Variants in PSMB3 observed in about 807,000 individuals in gnomAD.
The protein encoded by PSMB3 is proteasome 20S subunit beta 3.
PSMB3 carries 5 observed loss-of-function variants against 23.3 expected under a neutral mutation model. The observed-to-expected ratio is 0.21, with a 90% CI of 0.11 to 0.45. PSMB3 has a LOEUF of 0.45. PSMB3 is among the 20% of genes least tolerant of loss of function. PSMB3 has a pLI of 0.99. For missense variants in PSMB3, 192 were observed against 277.9 expected (o/e 0.69, Z 2.20); for synonymous variants, 85 against 99.8 (o/e 0.85, Z 0.88).
intron 3 of PSMB3, among the ~76,000 whole-genome samples, chr17:38,759,791 C>T (rs1008791238): frequency 2.0e-5 from 3 of 152,132 alleles, no homozygotes; most frequent in African/African-American, 7.2e-5. Context: ...TGGTGATCCA[C>T]CCACCTCGGC....
In PSMB3 at chr17:38,764,195, C is replaced by CT. The variant is rs759823102; in HGVS notation, c.*35dup. 15 of 1,605,906 alleles carry CT rather than the reference C, an allele frequency of 9.3e-6. No homozygotes were observed. The African/African-American group carries it at 1.9e-4, about 20-fold the overall frequency. On this transcript the variant is annotated 3_prime_UTR_variant, in exon 6 of 6. Transcript: ENST00000619426. The stretch of plus-strand genomic sequence containing the variant: ...CTGTTCCCAGAGCCCACTTTTTTTT[C>CT]TTTTTTTGAAATAAAATAGCCTGTC...
chr17:38,756,618 G>A (rs992406496), intron 3 of PSMB3, among the ~76,000 whole-genome samples: 1 of 151,454 alleles, frequency 6.6e-6, no homozygotes, highest in Non-Finnish European at 1.5e-5. Flanking sequence ...GCCTCAGCCT[G>A]CCATGTAGCT....
intron 4 of PSMB3, among the ~76,000 whole-genome samples, chr17:38,761,072 GGGCGCGGT>G (rs1461934000): frequency 6.6e-6 from 1 of 151,204 alleles, no homozygotes; most frequent in East Asian, 2.0e-4. Flanking sequence ...TGAGGAAGCC[GGGCGCGGT>G]GGCTCACGCC....
intron 2 of PSMB3, among the ~76,000 whole-genome samples, chr17:38,753,581 C>T (rs1046764032): frequency 6.6e-6 from 1 of 151,976 alleles, no homozygotes; most frequent in Admixed American, 6.6e-5. Flanking sequence ...CAGGCTCAAG[C>T]GATTCTCGTG....
intron 3 of PSMB3, among the ~76,000 whole-genome samples, chr17:38,758,987 A>C (rs1274480779): frequency 6.6e-6 from 1 of 152,214 alleles, no homozygotes; most frequent in African/African-American, 2.4e-5. Flanking sequence ...CAGAGCTTGC[A>C]GTGAGCCAAG....
intron 3 of PSMB3, among the ~76,000 whole-genome samples, chr17:38,757,474 T>C (rs1005709423): frequency 1.3e-5 from 2 of 151,546 alleles, no homozygotes; most frequent in African/African-American, 4.9e-5. Flanking sequence ...GCCAAGATCA[T>C]GCCACTGTAC....
intron 3 of PSMB3, 108 bp downstream of exon 3, chr17:38,756,098 A>G: frequency 1.1e-6 from 1 of 914,392 alleles, no homozygotes. Flanking sequence ...TCTTATTTGC[A>G]GGATAATATC....
intron 3 of PSMB3, among the ~76,000 whole-genome samples, chr17:38,758,312 G>A (rs953975475): frequency 1.3e-5 from 2 of 151,696 alleles, no homozygotes; most frequent in Non-Finnish European, 1.5e-5. Flanking sequence ...ATAAGAGTAA[G>A]ACATTTATTT....
At chr17:38,758,430 C>T (rs1908302629) in intron 3 of PSMB3, among the ~76,000 whole-genome samples, 1 of 152,180 alleles carries the variant, frequency 6.6e-6, no homozygotes, top group South Asian at 2.1e-4. Context: ...ACCTTTGCCT[C>T]CTGGGTGCAA....
At chr17:38,763,991 G>A in intron 5 of PSMB3, 128 bp from the exon 6 acceptor site, 1 of 956,396 alleles carries the variant, frequency 1.0e-6, no homozygotes, top group South Asian at 1.5e-5. Flanking sequence ...CCTAGAGGCA[G>A]CGGGCAGCTA....
At chr17:38,762,342 G>T (rs978259002) in intron 4 of PSMB3, 69 bp from the exon 5 acceptor site, 3 of 1,315,742 alleles carry the variant, frequency 2.3e-6, no homozygotes, top group Non-Finnish European at 2.2e-6. Flanking sequence ...CTAGAAAAAA[G>T]AGAGTTAAGG....
chr17:38,757,034 ATTT>A (rs35172699), intron 3 of PSMB3, among the ~76,000 whole-genome samples: 16 of 65,694 alleles, frequency 2.4e-4, no homozygotes, highest in East Asian at 5.1e-4. Context: ...CACCTGGCTA[ATTT>A]TTTTTTTTTT....
At chr17:38,755,672 ATATATATATATGTGTGTGTG>A (rs1908149769) in intron 2 of PSMB3, among the ~76,000 whole-genome samples, 191 bp from the exon 3 acceptor site, 1 of 88,784 alleles carries the variant, frequency 1.1e-5, no homozygotes. Flanking sequence ...ATATATATAT[ATATATATATATGTGTGTGTG>A]TGTGTGTGTG....
At chr17:38,755,105 G>A (rs913815684) in intron 2 of PSMB3, among the ~76,000 whole-genome samples, 36 of 151,396 alleles carry the variant, frequency 2.4e-4, no homozygotes, top group African/African-American at 8.8e-4. Flanking sequence ...CTCCCAAGTA[G>A]CTGGGACTAC....
chr17:38,760,724 C>A, intron 4 of PSMB3, 116 bp downstream of exon 4: 1 of 1,201,344 alleles, frequency 8.3e-7, no homozygotes, highest in Non-Finnish European at 1.2e-6. Flanking sequence ...GGAGAGAAAG[C>A]CACAGCTGCT....
chr17:38,760,102 T>C (rs777635358), intron 3 of PSMB3, among the ~76,000 whole-genome samples: 13 of 152,158 alleles, frequency 8.5e-5, no homozygotes, highest in Non-Finnish European at 1.5e-4. Flanking sequence ...AACATACACA[T>C]AGAGGACTGA....
chr17:38,762,600 T>G, intron 5 of PSMB3, 95 bp downstream of exon 5: 1 of 1,231,590 alleles, frequency 8.1e-7, no homozygotes, highest in Non-Finnish European at 1.2e-6. Context: ...AGCCCCCTGG[T>G]CAGGTGTGAG....
At position 38,755,674 on chromosome 17, in the gene PSMB3, ATATATATATGTGTGTGTGTG is replaced by A. The variant is rs1908151170; in HGVS notation, c.189-207_189-188del. ...AAAAAAAAAAAATATATATATATAT[ATATATATATGTGTGTGTGTG>A]TGTGTGTGTGTGTGTGTGTGTGCTG... On this transcript the variant is annotated intron_variant, in intron 2 of 5. Coordinates refer to ENST00000619426, the MANE Select transcript of PSMB3 (RefSeq NM_002795.4). Among the ~76,000 whole-genome samples the A allele has an allele frequency of 8.8e-5, 8 of 91,310 alleles. No individual in the cohort carries two copies. The East Asian group carries it at 2.3e-3, about 26-fold the overall frequency. The allele number at this position is 91,310 out of a possible 152,430, so 59.9% of individuals were successfully genotyped here.
chr17:38,762,532 A>G (rs774142367), intron 5 of PSMB3, 27 bp downstream of exon 5: 7 of 1,592,860 alleles, frequency 4.4e-6, no homozygotes, highest in South Asian at 1.1e-5. Flanking sequence ...AGAAGTCTAG[A>G]AGCTCTGCAG....
Sources: gnomAD v4.1 joint callset for allele counts (sites outside exome capture counted in the v4.1 genomes callset) on GRCh38, gnomAD v4.1.1 for gene constraint, MANE v1.5 for transcripts, NCBI Gene and HGNC (gene_info 2026-07-23, HGNC 2026-07-21) for gene names.